Variants in HHIP observed in about 807,000 individuals in gnomAD.
HHIP encodes hedgehog interacting protein.
In HHIP, 12 loss-of-function variants were observed where a neutral mutation model predicts 74.0. That is an observed-to-expected ratio of 0.16 (90% CI 0.10 to 0.26). The LOEUF (loss-of-function observed/expected upper bound fraction) is 0.26. HHIP is among the 10% of genes least tolerant of loss of function. HHIP has a pLI of 1.00. For missense variants in HHIP, 788 were observed against 845.0 expected, an observed-to-expected ratio of 0.93 and a Z score of 0.84; for synonymous variants, 309 against 311.6, an observed-to-expected ratio of 0.99 and a Z score of 0.09.
intron 11 of HHIP, among the ~76,000 whole-genome samples, chr4:144,723,125 A>C: frequency 6.6e-6 from 1 of 152,186 alleles, no homozygotes; most frequent in Non-Finnish European, 1.5e-5. Context: ...TTGTAAAGGA[A>C]AATTATTCTC....
At chr4:144,700,905 TCAAA>T (rs1156548631) in intron 4 of HHIP, among the ~76,000 whole-genome samples, 2 of 152,214 alleles carry the variant, frequency 1.3e-5, no homozygotes, top group Non-Finnish European at 2.9e-5. Context: ...CTAACAGTTC[TCAAA>T]CAAACCTGTT....
chr4:144,655,991 A>G (rs1211984099), intron 2 of HHIP, among the ~76,000 whole-genome samples: 1 of 152,166 alleles, frequency 6.6e-6, no homozygotes, highest in Non-Finnish European at 1.5e-5. Context: ...CAGCTGCTAG[A>G]ATATTTGGTG....
rs1731344844 is a variant in HHIP at position 144,744,968 on chromosome 4, T to C, written c.*7011T>C. Reference sequence around the variant, plus strand: ...TATATTTATCTATCTGTACAAACACTACATATGTATACACACTATCTATGT... The same window carrying C: ...TATATTTATCTATCTGTACAAACACCACATATGTATACACACTATCTATGT... On this transcript the variant is annotated 3_prime_UTR_variant, in exon 13 of 13. Coordinates refer to ENST00000296575, the MANE Select transcript of HHIP (RefSeq NM_022475.3). 1 of 152,220 alleles carries C rather than the reference T, an allele frequency of 6.6e-6. No individual in the cohort carries two copies. The highest frequency in any genetic ancestry group is 6.5e-5 in the Admixed American group (1 of 15,284). The allele number at this position is 152,220 out of a possible 1,614,324, so 9.4% of individuals were successfully genotyped here. A position where few individuals can be genotyped will look rare whatever the true frequency, so the allele number is the denominator to read the frequency against.
At chr4:144,731,848 T>C (rs1730966612) in intron 11 of HHIP, among the ~76,000 whole-genome samples, 1 of 152,220 alleles carries the variant, frequency 6.6e-6, no homozygotes, top group South Asian at 2.1e-4. Flanking sequence ...TCCCTTAAAG[T>C]AGTTGCCTCC....
intron 4 of HHIP, among the ~76,000 whole-genome samples, chr4:144,666,248 CGTGTGTGTGTGT>C (rs5862718): frequency 0.031 from 4,486 of 143,174 alleles, 171 homozygotes; most frequent in African/African-American, 0.089. Flanking sequence ...ATACTACAGT[CGTGTGTGTGTGT>C]GTGTGTGTGT....
chr4:144,715,363 C>T lies in HHIP; in HGVS notation c.1611C>T (p.Leu537=), dbSNP rs200412495. 7 of 1,613,040 alleles carry T rather than the reference C, an allele frequency of 4.3e-6. No individual in the cohort carries two copies. The Admixed American group carries it at 6.7e-5, about 15-fold the overall frequency. ...AGTGGCAAGAAAAACCACTCTGTCTCGGCACTAGTGGGTCCTGTAGAGGCT... is the reference window on the plus strand; with the variant it reads ...AGTGGCAAGAAAAACCACTCTGTCTTGGCACTAGTGGGTCCTGTAGAGGCT... The part of the protein sequence containing the change: ...TKQWQEKPLC[L]GTSGSCRGYF... The change falls in exon 10 of 13, where the codon CTC becomes CTT. Residue 537 remains leucine (L), a synonymous_variant. Transcript: ENST00000296575.
intron 4 of HHIP, among the ~76,000 whole-genome samples, chr4:144,679,402 T>C (rs764963821): frequency 9.2e-5 from 14 of 152,228 alleles, no homozygotes; most frequent in Non-Finnish European, 1.3e-4. Flanking sequence ...TTTGTTGATT[T>C]TGGCTATTTT....
rs138911480 is a variant in HHIP, at chr4:144,707,888, C to T, written c.1158-280C>T. ...CCTGGGCTCAAGAGATCCGCCTGGC[C>T]GCATGCCACCACATCTGGCTCATTT... On this transcript the variant is annotated intron_variant, in intron 6 of 12. Coordinates refer to ENST00000296575, the MANE Select transcript of HHIP (RefSeq NM_022475.3). Among the ~76,000 whole-genome samples the T allele has an allele frequency of 2.8e-3, 430 of 152,184 alleles. 3 individuals carry two copies. Among genetic ancestry groups the T allele is most frequent in the African/African-American group, 9.5e-3 (393 of 41,506 alleles).
chr4:144,656,274 G>T (rs1438772429), intron 2 of HHIP, among the ~76,000 whole-genome samples: 1 of 152,076 alleles, frequency 6.6e-6, no homozygotes, highest in Non-Finnish European at 1.5e-5. Context: ...TCACACTTAG[G>T]TTATTCAGTT....
chr4:144,660,737 C>T (rs1050423748), intron 4 of HHIP, among the ~76,000 whole-genome samples: 1 of 152,120 alleles, frequency 6.6e-6, no homozygotes, highest in African/African-American at 2.4e-5. Flanking sequence ...CTATCTATTT[C>T]ATTTTCTTAT....
chr4:144,730,629 C>G (rs563975293), intron 11 of HHIP, among the ~76,000 whole-genome samples: 1 of 152,198 alleles, frequency 6.6e-6, no homozygotes, highest in South Asian at 2.1e-4. Context: ...TGGGTTAATG[C>G]ATCACAGATA....
At chr4:144,679,017 T>A (rs1729256597) in intron 4 of HHIP, among the ~76,000 whole-genome samples, 1 of 152,246 alleles carries the variant, frequency 6.6e-6, no homozygotes, top group Non-Finnish European at 1.5e-5. Flanking sequence ...GCATTCCTAT[T>A]TCTCCACATC....
At chr4:144,677,640 C>A (rs1729206428) in intron 4 of HHIP, among the ~76,000 whole-genome samples, 1 of 152,150 alleles carries the variant, frequency 6.6e-6, no homozygotes, top group African/African-American at 2.4e-5. Flanking sequence ...GGACCCTGGG[C>A]AGCAATAACA....
At chr4:144,650,847 T>C (rs1354508188) in intron 1 of HHIP, 1 of 152,116 alleles carries the variant, frequency 6.6e-6, no homozygotes, top group African/African-American at 2.4e-5. Context: ...CAAAATTCCT[T>C]AGGCACTAAA....
chr4:144,677,164 G>C (rs1279115648), intron 4 of HHIP, among the ~76,000 whole-genome samples: 1 of 152,166 alleles, frequency 6.6e-6, no homozygotes, highest in Non-Finnish European at 1.5e-5. Flanking sequence ...TGTGACTGCC[G>C]TTCTTCCCCT....
At chr4:144,731,923 CTT>C (rs2126687563) in intron 11 of HHIP, among the ~76,000 whole-genome samples, 1 of 152,234 alleles carries the variant, frequency 6.6e-6, no homozygotes, top group South Asian at 2.1e-4. Flanking sequence ...CTGCATTATA[CTT>C]TTGTGTATGC....
chr4:144,713,540 T>C (rs1730359190), intron 8 of HHIP, among the ~76,000 whole-genome samples: 3 of 152,174 alleles, frequency 2.0e-5, no homozygotes. Flanking sequence ...TTAGAGCTTT[T>C]CCATTACAAT....
chr4:144,727,107 T>C (rs141681564), intron 11 of HHIP, among the ~76,000 whole-genome samples: 8 of 152,340 alleles, frequency 5.3e-5, no homozygotes, highest in African/African-American at 1.9e-4. Context: ...ACAAAATACC[T>C]AGGTGGCTTA....
intron 4 of HHIP, among the ~76,000 whole-genome samples, chr4:144,688,899 ATTTC>A (rs1201571356): frequency 6.6e-6 from 1 of 152,166 alleles, no homozygotes; most frequent in Non-Finnish European, 1.5e-5. Flanking sequence ...TGGAGTGCTT[ATTTC>A]TTCAAGCTTG....
Sources: gnomAD v4.1 joint callset for allele counts (sites outside exome capture counted in the v4.1 genomes callset) on GRCh38, gnomAD v4.1.1 for gene constraint, MANE v1.5 for transcripts, NCBI Gene and HGNC (gene_info 2026-07-23, HGNC 2026-07-21) for gene names.